ARL17A: variants seen among roughly 807,000 people sequenced by gnomAD.
ARL17A encodes ADP-ribosylation factor-like 17-like.
At chr17:46,502,571 G>A in the ARL17A span, among the ~76,000 whole-genome samples, 2 of 151,048 alleles carry the variant, frequency 1.3e-5, no homozygotes, top group Non-Finnish European at 2.9e-5. Flanking sequence ...CAAAGTGCTG[G>A]GATTACAGGC....
At chr17:46,501,199 AG>A in the ARL17A span, among the ~76,000 whole-genome samples, 2 of 151,176 alleles carry the variant, frequency 1.3e-5, no homozygotes, top group African/African-American at 2.5e-5. Context: ...CTTGTTTTTG[AG>A]ACGGAGTCTC....
chr17:46,543,925 T>G (rs2055888681), intron 3 of ARL17A, among the ~76,000 whole-genome samples: 1 of 146,460 alleles, frequency 6.8e-6, no homozygotes, highest in African/African-American at 2.7e-5. Context: ...GAGACCAGCC[T>G]GGACAACATG....
At chr17:46,575,108 A>AG (rs2057753785) in intron 2 of ARL17A, among the ~76,000 whole-genome samples, 1 of 100,538 alleles carries the variant, frequency 9.9e-6, no homozygotes, top group Non-Finnish European at 2.4e-5. Context: ...AAAAAAAAAA[A>AG]AAAGAAAGTT....
the ARL17A span, among the ~76,000 whole-genome samples, chr17:46,502,942 G>C: frequency 6.6e-6 from 1 of 150,594 alleles, no homozygotes; most frequent in Non-Finnish European, 1.5e-5. Flanking sequence ...GCCAGGCGTG[G>C]TGGCTCACGC....
chr17:46,534,404 C>G (rs375026318), intron 4 of ARL17A, among the ~76,000 whole-genome samples: 1 of 147,232 alleles, frequency 6.8e-6, no homozygotes, highest in Non-Finnish European at 1.5e-5. Context: ...TGACTCTTAA[C>G]GAGCATGCTG....
intron 4 of ARL17A, among the ~76,000 whole-genome samples, chr17:46,534,202 T>TGTTTTTG (rs1271337163): frequency 4.7e-5 from 7 of 149,282 alleles, no homozygotes; most frequent in South Asian, 2.1e-4. Flanking sequence ...TTTTTGTTTT[T>TGTTTTTG]TTTAATTTTT....
downstream of ARL17A, among the ~76,000 whole-genome samples, chr17:46,551,397 A>C (rs1239615631): frequency 2.0e-5 from 3 of 150,322 alleles, no homozygotes; most frequent in East Asian, 5.8e-4. Context: ...TACTTGCCTC[A>C]TTTACCATTT....
Position 46,553,184 on chromosome 17 carries a change from TG to T in ARL17A, c.*4171del, listed in dbSNP as rs1206477129. The stretch of plus-strand genomic sequence containing the variant: ...AGCATCCACAGATTCTGGTATGGTG[TG>T]GGGGCGGTATCCTAGAACCAATCCC... On this transcript the variant is annotated 3_prime_UTR_variant, in exon 4 of 4. Coordinates refer to ENST00000336125, the MANE Select transcript of ARL17A (RefSeq NM_001113738.2). The T allele has an allele frequency of 1.2e-6, 1 of 813,814 alleles. No individual in the cohort carries two copies. Among genetic ancestry groups the T allele is most frequent in the African/African-American group, 2.4e-5 (1 of 41,234 alleles). The allele number at this position is 813,814 out of a possible 1,614,324, so 50.4% of individuals were successfully genotyped here. A position where few individuals can be genotyped will look rare whatever the true frequency, so the allele number is the denominator to read the frequency against.
At chr17:46,539,461 T>TA (rs2054867471) in intron 3 of ARL17A, among the ~76,000 whole-genome samples, 1 of 150,562 alleles carries the variant, frequency 6.6e-6, no homozygotes, top group African/African-American at 2.5e-5. Context: ...TTAAAAACTT[T>TA]ATAAAGATAA....
downstream of ARL17A, among the ~76,000 whole-genome samples, chr17:46,551,771 CCT>C (rs1324891664): frequency 7.8e-6 from 1 of 127,710 alleles, no homozygotes; most frequent in East Asian, 2.3e-4. Flanking sequence ...ACAGCTAGGC[CCT>C]GTCTTAAAAA....
chr17:46,548,702 G>A (rs2056456058), downstream of ARL17A: 2 of 1,609,348 alleles, frequency 1.2e-6, no homozygotes, highest in Non-Finnish European at 1.7e-6. Context: ...CAGAGCATCA[G>A]GAGGGAACAG....
chr17:46,543,191 A>C (rs2055708826), intron 3 of ARL17A, among the ~76,000 whole-genome samples: 1 of 150,668 alleles, frequency 6.6e-6, no homozygotes, highest in Non-Finnish European at 1.5e-5. Context: ...TAAATGTCTT[A>C]TGGGAGTTCA....
Position 46,529,524 on chromosome 17 carries a change from A to C in ARL17A, c.336-665T>G, listed in dbSNP as rs149206681. On this transcript the variant is annotated intron_variant, in intron 4 of 4. Transcript: ENST00000329240. Reference sequence around the variant, plus strand: ...ATCTACTGTGAATCTAAAAACACTCAAGGCTGGGCGCGCTGGCTCATGCCT... The same window carrying C: ...ATCTACTGTGAATCTAAAAACACTCCAGGCTGGGCGCGCTGGCTCATGCCT... 5.2e-3 allele frequency among the ~76,000 whole-genome samples: 548 copies of C among 105,460 alleles called. 37 individuals are homozygous for C. Among genetic ancestry groups the C allele is most frequent in the Middle Eastern group, 0.017 (3 of 178 alleles). The allele number at this position is 105,460 out of a possible 152,430, so 69.2% of individuals were successfully genotyped here. A position where few individuals can be genotyped will look rare whatever the true frequency, so the allele number is the denominator to read the frequency against.
the ARL17A span, among the ~76,000 whole-genome samples, chr17:46,500,996 A>G: frequency 1.3e-5 from 2 of 151,274 alleles, no homozygotes; most frequent in Non-Finnish European, 2.9e-5. Flanking sequence ...CCTGGCTAAC[A>G]TGGTGAGACC....
chr17:46,525,612 A>G (rs1431341551), downstream of ARL17A, among the ~76,000 whole-genome samples: 1 of 118,918 alleles, frequency 8.4e-6, no homozygotes, highest in Admixed American at 8.3e-5. Context: ...TATAATAATA[A>G]TAATCATCAT....
At chr17:46,544,766 T>C (rs1410356707) in intron 3 of ARL17A, among the ~76,000 whole-genome samples, 1 of 95,686 alleles carries the variant, frequency 1.0e-5, no homozygotes, top group Non-Finnish European at 1.9e-5. Context: ...AATTAATCAA[T>C]TGTCTCGGTC....
the ARL17A span, among the ~76,000 whole-genome samples, chr17:46,502,909 A>G: frequency 1.3e-5 from 2 of 150,542 alleles, no homozygotes; most frequent in Admixed American, 1.3e-4. Flanking sequence ...GTAGCACTCA[A>G]CGTTTAAAAA....
intron 4 of ARL17A, among the ~76,000 whole-genome samples, chr17:46,534,247 G>T (rs1367141976): frequency 2.1e-5 from 3 of 145,622 alleles, no homozygotes; most frequent in Middle Eastern, 3.2e-3. Context: ...TCTCGCAGAG[G>T]GGGATTTGGC....
In ARL17A at chr17:46,558,740, C is replaced by A. The variant is rs377158326; in HGVS notation, c.260-1110G>T. 12 of 136,162 alleles carry A rather than the reference C, an allele frequency of 8.8e-5. 1 individual carries two copies. Among genetic ancestry groups the A allele is most frequent in the African/African-American group, 3.5e-4 (12 of 34,734 alleles). 8.4% of individuals were successfully genotyped at this position (136,162 alleles called of 1,614,324 possible). A position where few individuals can be genotyped will look rare whatever the true frequency, so the allele number is the denominator to read the frequency against. ...ACCTGTGGATCTCTAGCCTTGAACACCCTTGGATGCTGCTTTAAATGACTG... is the reference window on the plus strand; with the variant it reads ...ACCTGTGGATCTCTAGCCTTGAACAACCTTGGATGCTGCTTTAAATGACTG... On this transcript the variant is annotated intron_variant, in intron 3 of 3. Coordinates refer to ENST00000336125, the MANE Select transcript of ARL17A (RefSeq NM_001113738.2).
Sources: gnomAD v4.1 joint callset for allele counts (sites outside exome capture counted in the v4.1 genomes callset) on GRCh38, gnomAD v4.1.1 for gene constraint, MANE v1.5 for transcripts, NCBI Gene and HGNC (gene_info 2026-07-23, HGNC 2026-07-21) for gene names.